SETBP1: variants seen among roughly 807,000 people sequenced by gnomAD.
The protein encoded by SETBP1 is SET binding protein 1, also known as SET-binding protein.
SETBP1 carries 9 observed loss-of-function variants against 101.0 expected under a neutral mutation model. The ratio of observed to expected loss-of-function variants is 0.09; its 90% CI spans 0.05 to 0.16. The LOEUF (loss-of-function observed/expected upper bound fraction) is 0.16, where lower values mean the gene tolerates loss of function less well. SETBP1 is among the 10% of genes least tolerant of loss of function. SETBP1 has a pLI of 1.00. For synonymous variants in SETBP1, 818 were observed against 788.5 expected (o/e 1.04, Z -0.63); for missense variants, 1,858 against 2,033.8 (o/e 0.91, Z 1.66).
chr18:44,953,312 A>C lies in SETBP1; in HGVS notation c.3972A>C (p.Arg1324Ser). ...CCTTCAAGATGAACCGCAAGGAGAG[A>C]AGTTCTTATGACTCCTCCATGTCTC... ...IQAFKMNRKERSSYDSSMSPG... is the reference protein window; with the variant it reads ...IQAFKMNRKESSSYDSSMSPG... The change falls in exon 4 of 6, where the codon AGA becomes AGC. Residue 1324 changes from arginine (R) to serine (S), a missense_variant. By Grantham distance (110) the Arg-to-Ser change is moderately radical (BLOSUM62 -1). Around this residue, in one of 12 missense-constraint regions of SETBP1, gnomAD observed 417 missense variants for 389.1 expected, o/e 1.07. Coordinates refer to ENST00000649279, the MANE Select transcript of SETBP1 (RefSeq NM_015559.3). 6.2e-7 allele frequency: 1 copy of C among 1,613,868 alleles called. No individual in the cohort carries two copies. The highest frequency in any genetic ancestry group is 8.5e-7 in the Non-Finnish European group (1 of 1,179,986).
intron 3 of SETBP1, among the ~76,000 whole-genome samples, chr18:44,917,611 C>T (rs1160343588): frequency 6.6e-6 from 1 of 152,150 alleles, no homozygotes; most frequent in Non-Finnish European, 1.5e-5. Context: ...TGCTCTGATG[C>T]CTCCCCATCC....
chr18:44,889,854 A>G (rs143361364), intron 3 of SETBP1, among the ~76,000 whole-genome samples: 1 of 152,198 alleles, frequency 6.6e-6, no homozygotes, highest in African/African-American at 2.4e-5. Flanking sequence ...TGCAATCCCT[A>G]TTTCTCTAAA....
intron 5 of SETBP1, among the ~76,000 whole-genome samples, chr18:45,055,126 A>T (rs780495010): frequency 1.3e-5 from 2 of 152,242 alleles, no homozygotes; most frequent in Admixed American, 1.3e-4. Flanking sequence ...ATGAAAAAGG[A>T]CAACACATGC....
chr18:44,872,311 A>G (rs931938078), intron 3 of SETBP1, among the ~76,000 whole-genome samples: 1 of 152,140 alleles, frequency 6.6e-6, no homozygotes, highest in African/African-American at 2.4e-5. Context: ...AAAATACCCT[A>G]TCATTTCACC....
chr18:44,930,371 C>A (rs2144986400), intron 3 of SETBP1, among the ~76,000 whole-genome samples: 1 of 152,266 alleles, frequency 6.6e-6, no homozygotes, highest in African/African-American at 2.4e-5. Flanking sequence ...CATCGATGTT[C>A]ATCAGGGATA....
chr18:44,996,864 G>C (rs2072508069), intron 4 of SETBP1, among the ~76,000 whole-genome samples: 1 of 152,186 alleles, frequency 6.6e-6, no homozygotes, highest in African/African-American at 2.4e-5. Context: ...TATGAGGCTA[G>C]TGGAAGAAAA....
At chr18:44,740,685 T>C (rs1283662577) in intron 2 of SETBP1, among the ~76,000 whole-genome samples, 3 of 152,236 alleles carry the variant, frequency 2.0e-5, no homozygotes, top group African/African-American at 7.2e-5. Context: ...ATACTGTGCA[T>C]TAATTGGAGT....
intron 3 of SETBP1, among the ~76,000 whole-genome samples, chr18:44,912,520 G>C (rs572721850): frequency 6.6e-6 from 1 of 151,824 alleles, no homozygotes; most frequent in Non-Finnish European, 1.5e-5. Flanking sequence ...TTTTGAGACA[G>C]AGTCTGGCTG....
intron 4 of SETBP1, among the ~76,000 whole-genome samples, chr18:44,974,841 T>C (rs2071950722): frequency 6.6e-6 from 1 of 152,196 alleles, no homozygotes; most frequent in African/African-American, 2.4e-5. Context: ...TAAAATATGC[T>C]ACATTGAGAA....
chr18:45,035,029 C>G (rs2073369589), intron 4 of SETBP1, among the ~76,000 whole-genome samples: 1 of 151,200 alleles, frequency 6.6e-6, no homozygotes, highest in South Asian at 2.1e-4. Flanking sequence ...TTTTGCTCAT[C>G]ATAGAATATC....
intron 3 of SETBP1, 61 bp from the exon 4 acceptor site, chr18:44,949,820 A>T: frequency 2.2e-6 from 3 of 1,334,486 alleles, no homozygotes; most frequent in Non-Finnish European, 3.2e-6. Context: ...AGTAGCTTCA[A>T]CATGCTCATC....
chr18:44,952,872 G>A lies in SETBP1; in HGVS notation c.3532G>A (p.Ala1178Thr). 1 of 1,614,164 alleles carries A rather than the reference G, an allele frequency of 6.2e-7. No homozygotes were observed. The highest frequency in any genetic ancestry group is 8.5e-7 in the Non-Finnish European group (1 of 1,180,050). Residue 1178 changes from alanine to threonine, a missense_variant, in exon 4 of 6, where the codon GCC (alanine) becomes ACC (threonine). This residue lies in a region of SETBP1 where 417 missense variants were observed against 389.1 expected (regional missense o/e 1.07). Coordinates refer to ENST00000649279, the MANE Select transcript of SETBP1 (RefSeq NM_015559.3). ...DNLSGLFAGK[A>T]TGFSSHILSE... ...CCTGAGTGGTCTTTTTGCAGGCAAAGCCACAGGCTTCTCCAGCCACATCCT... is the reference window on the plus strand; with the variant it reads ...CCTGAGTGGTCTTTTTGCAGGCAAAACCACAGGCTTCTCCAGCCACATCCT...
intron 2 of SETBP1, among the ~76,000 whole-genome samples, chr18:44,780,669 C>T (rs1032043378): frequency 2.6e-5 from 4 of 152,212 alleles, no homozygotes; most frequent in Non-Finnish European, 4.4e-5. Context: ...CTGTACTAGA[C>T]CCCAGCCTTA....
At chr18:44,805,146 T>C (rs1469051174) in intron 2 of SETBP1, among the ~76,000 whole-genome samples, 2 of 152,168 alleles carry the variant, frequency 1.3e-5, no homozygotes, top group African/African-American at 4.8e-5. Context: ...GGAGAGCTGA[T>C]AGAGGAAGTT....
chr18:44,726,508 C>G (rs2069709858), intron 2 of SETBP1, among the ~76,000 whole-genome samples: 1 of 151,994 alleles, frequency 6.6e-6, no homozygotes, highest in African/African-American at 2.4e-5. Context: ...AATAACTTGC[C>G]AAATGACATC....
intron 4 of SETBP1, chr18:44,986,537 G>T (rs1256088149): frequency 2.6e-5 from 4 of 151,348 alleles, no homozygotes; most frequent in African/African-American, 9.7e-5. Flanking sequence ...TTTCACTTTT[G>T]TAATACTTAT....
chr18:44,930,087 C>T (rs1047589092), intron 3 of SETBP1, among the ~76,000 whole-genome samples: 6 of 152,110 alleles, frequency 3.9e-5, no homozygotes, highest in African/African-American at 1.4e-4. Flanking sequence ...ATAAATAGCT[C>T]TTATTATTTG....
intron 3 of SETBP1, among the ~76,000 whole-genome samples, chr18:44,875,526 T>G (rs1338492562): frequency 6.3e-5 from 1 of 15,870 alleles, no homozygotes; most frequent in Non-Finnish European, 1.3e-4. Flanking sequence ...AGACTCCATC[T>G]CAAAAAAAAA....
chr18:44,818,215 T>C (rs1299589400), intron 2 of SETBP1, among the ~76,000 whole-genome samples: 1 of 152,220 alleles, frequency 6.6e-6, no homozygotes, highest in African/African-American at 2.4e-5. Context: ...GCATTTTTTT[T>C]AATTGGAGAG....
Sources: allele counts gnomAD v4.1 joint callset (sites outside exome capture counted in the v4.1 genomes callset), GRCh38; gene constraint gnomAD v4.1.1; regional missense constraint gnomAD v4.1.1; transcripts MANE v1.5; gene names NCBI Gene and HGNC (gene_info 2026-07-23, HGNC 2026-07-21).